The following THSD7B variants were observed in gnomAD, a reference collection of about 807,000 sequenced individuals.
THSD7B encodes the protein thrombospondin type 1 domain containing 7B, also known as thrombospondin type-1 domain-containing protein 7B.
THSD7B carries 138 observed loss-of-function variants against 213.6 expected under a neutral mutation model. The observed-to-expected ratio is 0.65, with a 90% CI of 0.56 to 0.74. THSD7B has a LOEUF of 0.74. Among genes scored for constraint, THSD7B ranks in the 30% least tolerant of loss-of-function variants. The pLI is 0.00. For missense variants in THSD7B, 1,931 were observed against 1,991.5 expected, an observed-to-expected ratio of 0.97 and a Z score of 0.58; for synonymous variants, 742 against 687.0, an observed-to-expected ratio of 1.08 and a Z score of -1.25.
At chr2:136,991,541 C>G (rs527796876) in intron 2 of THSD7B, among the ~76,000 whole-genome samples, 2 of 152,072 alleles carry the variant, frequency 1.3e-5, no homozygotes, top group Admixed American at 1.3e-4. Context: ...GCTTCTGAAG[C>G]TATATTGCTT....
intron 7 of THSD7B, among the ~76,000 whole-genome samples, chr2:137,182,985 C>G (rs942739544): frequency 1.8e-4 from 27 of 152,126 alleles, no homozygotes; most frequent in African/African-American, 5.8e-4. Flanking sequence ...AATGTCAGCT[C>G]TTATCATTAT....
intron 2 of THSD7B, among the ~76,000 whole-genome samples, chr2:136,945,677 T>C (rs932436951): frequency 3.3e-5 from 5 of 152,156 alleles, no homozygotes; most frequent in East Asian, 3.9e-4. Context: ...TTCTTTTTAC[T>C]CTTTTTTCTC....
intron 3 of THSD7B, among the ~76,000 whole-genome samples, chr2:137,062,047 T>C (rs1687285662): frequency 1.3e-5 from 2 of 151,808 alleles, no homozygotes; most frequent in South Asian, 4.1e-4. Flanking sequence ...ATTCGTATCA[T>C]CGATTTCTCT....
At chr2:136,778,251 A>T (rs1681650365) in intron 1 of THSD7B, among the ~76,000 whole-genome samples, 1 of 152,156 alleles carries the variant, frequency 6.6e-6, no homozygotes, top group South Asian at 2.1e-4. Context: ...TGGCATTCAA[A>T]ATCTTACACT....
chr2:137,574,002 A>G (rs1240816233), intron 17 of THSD7B, among the ~76,000 whole-genome samples: 2 of 152,096 alleles, frequency 1.3e-5, no homozygotes, highest in South Asian at 2.1e-4. Flanking sequence ...TTATGTTTAT[A>G]TTTTAGAAAG....
Position 137,655,651 on chromosome 2 carries a change from C to T in THSD7B, c.4096C>T (p.Pro1366Ser), listed in dbSNP as rs759598279. Residue 1366 changes from proline (P) to serine (S), a missense_variant, in exon 22 of 28, where the codon CCT (proline) becomes TCT (serine). Transcript: ENST00000409968. ...CATCCTGAAGCAGCTGTGTTCTGTG[C>T]CTTGCCCAGGTATGCAATGCTAGTG... Reference protein sequence around the residue: ...DSILKQLCSVPCPGDCHLTEW... With the variant: ...DSILKQLCSVSCPGDCHLTEW... The T allele has an allele frequency of 6.2e-7, 1 of 1,612,616 alleles. No individual in the cohort carries two copies. Among genetic ancestry groups the T allele is most frequent in the Non-Finnish European group, 8.5e-7 (1 of 1,179,312 alleles).
chr2:137,021,370 A>G (rs1201019379), intron 2 of THSD7B, among the ~76,000 whole-genome samples: 1 of 152,170 alleles, frequency 6.6e-6, no homozygotes, highest in East Asian at 1.9e-4. Flanking sequence ...GATATATTGC[A>G]TAGTTTTGAT....
At chr2:137,515,927 G>A (rs1289016269) in intron 15 of THSD7B, among the ~76,000 whole-genome samples, 1 of 152,216 alleles carries the variant, frequency 6.6e-6, no homozygotes, top group East Asian at 1.9e-4. Context: ...TTATGAAATA[G>A]ATTTGTGATG....
At chr2:137,196,694 C>T (rs1680772670) in intron 7 of THSD7B, among the ~76,000 whole-genome samples, 5 of 151,936 alleles carry the variant, frequency 3.3e-5, no homozygotes, top group South Asian at 2.1e-4. Flanking sequence ...ATTTCATGTA[C>T]AAAATTATTA....
chr2:136,867,728 C>T (rs1467038632), intron 1 of THSD7B, among the ~76,000 whole-genome samples: 1 of 152,198 alleles, frequency 6.6e-6, no homozygotes, highest in African/African-American at 2.4e-5. Context: ...ATCCACTTAT[C>T]TAAGTTTGTA....
intron 15 of THSD7B, among the ~76,000 whole-genome samples, chr2:137,482,072 G>A (rs1688321968): frequency 6.6e-6 from 1 of 152,036 alleles, no homozygotes; most frequent in South Asian, 2.1e-4. Flanking sequence ...CAGCTACTTG[G>A]GAGGCTGAGG....
intron 2 of THSD7B, among the ~76,000 whole-genome samples, chr2:137,036,011 T>C (rs945405055): frequency 6.6e-6 from 1 of 152,180 alleles, no homozygotes; most frequent in Non-Finnish European, 1.5e-5. Flanking sequence ...GTAAAGTACA[T>C]AAAATGTGCT....
Position 137,278,365 on chromosome 2 carries a change from G to A in THSD7B, c.2500+2339G>A, listed in dbSNP as rs189111067. 2.6e-5 allele frequency among the ~76,000 whole-genome samples: 4 copies of A among 152,194 alleles called. No individual in the cohort carries two copies. In the East Asian group the frequency reaches 7.7e-4, roughly 29 times the overall value. On this transcript the variant is annotated intron_variant, in intron 12 of 27. Transcript: ENST00000409968. ...GTAGGACTTTTCAACATCAGCACTG[G>A]AAAGTGGAAGGAAATAGAACAATAT...
At chr2:137,316,203 C>T (rs186304936) in intron 12 of THSD7B, among the ~76,000 whole-genome samples, 45 of 151,968 alleles carry the variant, frequency 3.0e-4, no homozygotes, top group South Asian at 4.1e-4. Flanking sequence ...CATGTGTGGG[C>T]GAAAAAAATA....
intron 2 of THSD7B, among the ~76,000 whole-genome samples, chr2:137,010,137 T>A (rs143312221): frequency 1.3e-5 from 2 of 152,322 alleles, no homozygotes; most frequent in Non-Finnish European, 2.9e-5. Flanking sequence ...TGTGTAGACA[T>A]CTTCAATTGA....
intron 15 of THSD7B, among the ~76,000 whole-genome samples, chr2:137,464,533 C>A (rs1687954257): frequency 6.6e-6 from 1 of 152,022 alleles, no homozygotes; most frequent in Non-Finnish European, 1.5e-5. Flanking sequence ...GGCCAGGGAG[C>A]TGGAATATTC....
chr2:137,623,329 C>T (rs1352951321), intron 20 of THSD7B, among the ~76,000 whole-genome samples: 2 of 152,166 alleles, frequency 1.3e-5, no homozygotes, highest in Non-Finnish European at 2.9e-5. Flanking sequence ...GGACATATCT[C>T]AAAATAATAA....
At chr2:136,864,656 C>T (rs952936359) in intron 1 of THSD7B, among the ~76,000 whole-genome samples, 66 of 152,020 alleles carry the variant, frequency 4.3e-4, no homozygotes, top group African/African-American at 1.6e-3. Context: ...AGGTTCACAT[C>T]ATTCTCCTGC....
chr2:136,815,529 G>A (rs1282094474), intron 1 of THSD7B, among the ~76,000 whole-genome samples: 1 of 152,120 alleles, frequency 6.6e-6, no homozygotes, highest in Non-Finnish European at 1.5e-5. Flanking sequence ...CTTATTAGAT[G>A]CTTTTTCCCC....
Sources: allele counts gnomAD v4.1 joint callset (sites outside exome capture counted in the v4.1 genomes callset), GRCh38; gene constraint gnomAD v4.1.1; transcripts MANE v1.5; gene names NCBI Gene and HGNC (gene_info 2026-07-23, HGNC 2026-07-21).